TMX2: variants seen among roughly 807,000 people sequenced by gnomAD.
TMX2 encodes thioredoxin related transmembrane protein 2.
TMX2 carries 20 observed loss-of-function variants against 33.4 expected under a neutral mutation model. The ratio of observed to expected loss-of-function variants is 0.60; its 90% CI spans 0.42 to 0.87. TMX2 has a LOEUF of 0.87. TMX2 is among the 40% of genes least tolerant of loss of function. TMX2 has a pLI of 0.00. For missense variants in TMX2, 340 were observed against 370.7 expected, an observed-to-expected ratio of 0.92 and a Z score of 0.68; for synonymous variants, 166 against 140.7, an observed-to-expected ratio of 1.18 and a Z score of -1.27.
chr11:57,718,625 A>C, intron 1 of TMX2: 6 of 329,256 alleles, frequency 1.8e-5, no homozygotes, highest in Non-Finnish European at 2.2e-5. Context: ...GTTTTCCTCC[A>C]TTCATTTATT....
intron 1 of TMX2, among the ~76,000 whole-genome samples, chr11:57,727,162 AT>A (rs918876547): frequency 5.3e-5 from 8 of 151,178 alleles, no homozygotes; most frequent in African/African-American, 2.0e-4. Flanking sequence ...CTGATCCGGG[AT>A]TTTTTTTTAG....
intron 1 of TMX2, among the ~76,000 whole-genome samples, chr11:57,716,029 A>T (rs1590898770): frequency 6.6e-6 from 1 of 151,864 alleles, no homozygotes; most frequent in Admixed American, 6.6e-5. Flanking sequence ...TCTTTTCCCC[A>T]CCTTTCCCCC....
At position 57,740,333 on chromosome 11, in the gene TMX2, T is replaced by G. The variant is rs1949011750; in HGVS notation, c.*88T>G. 3 of 1,442,452 alleles carry G rather than the reference T, an allele frequency of 2.1e-6. No individual in the cohort carries two copies. Among genetic ancestry groups the G allele is most frequent in the Non-Finnish European group, 2.7e-6 (3 of 1,092,060 alleles). The allele number at this position is 1,442,452 out of a possible 1,614,324, so 89.4% of individuals were successfully genotyped here. On this transcript the variant is annotated 3_prime_UTR_variant, in exon 8 of 8. Coordinates refer to ENST00000278422, the MANE Select transcript of TMX2 (RefSeq NM_015959.4). ...CTGAGGCTGCAGCCTTTTATTTATG[T>G]TTTCCCTTTGGCTGTGACTGGGTGG...
chr11:57,727,697 G>T (rs1948096046), intron 1 of TMX2, among the ~76,000 whole-genome samples: 1 of 152,260 alleles, frequency 6.6e-6, no homozygotes, highest in East Asian at 1.9e-4. Context: ...TCCACATTCT[G>T]TAGAGAATCC....
intron 1 of TMX2, among the ~76,000 whole-genome samples, chr11:57,723,502 C>CA (rs1050853186): frequency 0.011 from 1,037 of 98,430 alleles, 8 homozygotes; most frequent in Middle Eastern, 0.05. Context: ...AAATTCATCG[C>CA]AAAAAAAAAA....
At chr11:57,739,327 G>C in intron 7 of TMX2, 67 bp downstream of exon 7, 1 of 1,574,848 alleles carries the variant, frequency 6.3e-7, no homozygotes, top group South Asian at 1.1e-5. Context: ...AGCCCTACCC[G>C]GGTTTGATTC....
intron 1 of TMX2, among the ~76,000 whole-genome samples, chr11:57,730,565 C>T (rs1007545314): frequency 6.0e-5 from 9 of 151,222 alleles, no homozygotes; most frequent in South Asian, 2.1e-4. Context: ...GGCAAAACTC[C>T]GTCTCTACTA....
chr11:57,720,412 CT>C (rs1565217015), intron 1 of TMX2, among the ~76,000 whole-genome samples: 1 of 151,814 alleles, frequency 6.6e-6, no homozygotes, highest in Non-Finnish European at 1.5e-5. Flanking sequence ...AAAACTTTTT[CT>C]TTTTTTTGAA....
chr11:57,734,442 A>G (rs1465595548), intron 1 of TMX2, among the ~76,000 whole-genome samples: 1 of 152,104 alleles, frequency 6.6e-6, no homozygotes, highest in East Asian at 1.9e-4. Context: ...GTTAACTACA[A>G]CTCTCTTTTA....
In TMX2 at chr11:57,740,225, G is replaced by GA. The variant is rs774488753; in HGVS notation, c.875dup (p.Asn292LysfsTer5). 2.2e-5 allele frequency: 36 copies of GA among 1,605,990 alleles called. No homozygotes were observed. The highest frequency in any genetic ancestry group is 3.5e-5 in the Admixed American group (2 of 57,684). On this transcript the variant is annotated frameshift_variant, in exon 8 of 8. Transcript: ENST00000278422. LOFTEE classifies it high-confidence loss of function. ...AACCCCCACCACAGTGTCAGATGGG[G>GA]AAAACAAGAAGGATAAATAAGATCC...
At chr11:57,738,331 C>T (rs371509048) in intron 3 of TMX2, 23 bp from the exon 4 acceptor site, 70 of 1,555,566 alleles carry the variant, frequency 4.5e-5, no homozygotes, top group African/African-American at 3.7e-4. Flanking sequence ...ATGTTTCCTT[C>T]GACATCTTCT....
chr11:57,718,088 A>G, intron 1 of TMX2: 1 of 1,295,200 alleles, frequency 7.7e-7, no homozygotes, highest in Middle Eastern at 1.9e-4. Context: ...TGGTCTTGCC[A>G]TTCCTGGACC....
At chr11:57,718,448 A>G (rs1265716160) in intron 1 of TMX2, 2 of 1,131,764 alleles carry the variant, frequency 1.8e-6, no homozygotes, top group African/African-American at 3.0e-5. Context: ...TGTCTTTGGA[A>G]CCTTGTCTGC....
At chr11:57,715,507 ATCTG>A (rs1242963031) in intron 1 of TMX2, among the ~76,000 whole-genome samples, 6 of 150,328 alleles carry the variant, frequency 4.0e-5, no homozygotes, top group African/African-American at 1.5e-4. Flanking sequence ...TTACAAACAA[ATCTG>A]TCTAATCTTG....
At chr11:57,722,339 TAA>T (rs1947690880) in intron 1 of TMX2, among the ~76,000 whole-genome samples, 1 of 151,966 alleles carries the variant, frequency 6.6e-6, no homozygotes, top group Non-Finnish European at 1.5e-5. Flanking sequence ...AAGAAAAAGA[TAA>T]AAGAGTTGAG....
At position 57,739,272 on chromosome 11, in the gene TMX2, G is replaced by A. The variant is rs1382086684; in HGVS notation, c.744+12G>A. 6.2e-7 allele frequency: 1 copy of A among 1,614,062 alleles called. No individual in the cohort carries two copies. Among genetic ancestry groups the A allele is most frequent in the South Asian group, 1.1e-5 (1 of 91,078 alleles). On this transcript the variant is annotated intron_variant, in intron 7 of 7. Coordinates refer to ENST00000278422, the MANE Select transcript of TMX2 (RefSeq NM_015959.4). The stretch of plus-strand genomic sequence containing the variant: ...GGACCTTCTCTGAGGTACCTGAAAG[G>A]AAGGGCAGGTGCATGAAGGGTGCAG...
At chr11:57,725,864 C>T (rs1489294525) in intron 1 of TMX2, among the ~76,000 whole-genome samples, 1 of 152,116 alleles carries the variant, frequency 6.6e-6, no homozygotes, top group Non-Finnish European at 1.5e-5. Context: ...GCATCCACCC[C>T]AACCATAAAA....
intron 1 of TMX2, among the ~76,000 whole-genome samples, chr11:57,716,355 A>C (rs1288421107): frequency 1.4e-4 from 8 of 59,042 alleles, no homozygotes; most frequent in Admixed American, 1.9e-4. Context: ...TGACCCCCAC[A>C]CCTCCCTCCC....
At chr11:57,718,543 A>G (rs1947331590) in intron 1 of TMX2, 3 of 675,916 alleles carry the variant, frequency 4.4e-6, no homozygotes, top group South Asian at 1.6e-5. Flanking sequence ...CTGATAGTAC[A>G]GGGCTCCTGG....
Sources: allele counts gnomAD v4.1 joint callset (sites outside exome capture counted in the v4.1 genomes callset), GRCh38; gene constraint gnomAD v4.1.1; transcripts MANE v1.5; gene names NCBI Gene and HGNC (gene_info 2026-07-23, HGNC 2026-07-21).